Variants in ZFHX3 observed in about 807,000 individuals in gnomAD.
The protein encoded by ZFHX3 is zinc finger homeobox 3, also known as zinc finger homeobox protein 3.
Under a neutral mutation model 279.1 loss-of-function variants are expected in ZFHX3, and 42 were observed. That is an observed-to-expected ratio of 0.15 (90% CI 0.12 to 0.19). The LOEUF (loss-of-function observed/expected upper bound fraction) is 0.19, where lower values mean the gene tolerates loss of function less well. ZFHX3 is among the 10% of genes least tolerant of loss of function. The pLI is 1.00. For synonymous variants in ZFHX3, 2,293 were observed against 1,957.8 expected, an observed-to-expected ratio of 1.17 and a Z score of -4.52; for missense variants, 4,981 against 4,754.0, an observed-to-expected ratio of 1.05 and a Z score of -1.40.
intron 2 of ZFHX3, among the ~76,000 whole-genome samples, chr16:73,672,738 A>T (rs987579463): frequency 1.7e-4 from 1 of 5,762 alleles, no homozygotes; most frequent in Non-Finnish European, 2.7e-4. Context: ...AAGAAAGAGC[A>T]TATGCTTTTT....
intron 2 of ZFHX3, among the ~76,000 whole-genome samples, chr16:73,626,033 T>C (rs1258202488): frequency 6.6e-6 from 1 of 152,116 alleles, no homozygotes; most frequent in Non-Finnish European, 1.5e-5. Context: ...AATTTTTCTA[T>C]TTTTAGTAGA....
chr16:73,133,171 T>G (rs1050190057), intron 6 of ZFHX3, among the ~76,000 whole-genome samples: 1 of 152,230 alleles, frequency 6.6e-6, no homozygotes, highest in Admixed American at 6.5e-5. Context: ...GGTGGAATTA[T>G]GTCCATAACC....
intron 5 of ZFHX3, among the ~76,000 whole-genome samples, chr16:73,224,364 T>G (rs1344235013): frequency 6.6e-6 from 1 of 152,228 alleles, no homozygotes; most frequent in Non-Finnish European, 1.5e-5. Flanking sequence ...AAAAGTAGAT[T>G]TAGCATCACA....
intron 2 of ZFHX3, among the ~76,000 whole-genome samples, chr16:73,575,512 G>A (rs1378370504): frequency 6.6e-6 from 1 of 152,168 alleles, no homozygotes; most frequent in Non-Finnish European, 1.5e-5. Flanking sequence ...TAAATTTGCA[G>A]GTGGAAAAAA....
chr16:72,951,363 C>T (rs533644208), intron 2 of ZFHX3, among the ~76,000 whole-genome samples: 28 of 152,040 alleles, frequency 1.8e-4, no homozygotes, highest in African/African-American at 4.8e-4. Flanking sequence ...CGGGTTCAAG[C>T]GATTCTCCTG....
chr16:73,214,444 A>G (rs530565095), intron 5 of ZFHX3, among the ~76,000 whole-genome samples: 1 of 152,134 alleles, frequency 6.6e-6, no homozygotes, highest in East Asian at 1.9e-4. Flanking sequence ...AAAAAGGAGG[A>G]AGATTCCAAA....
At chr16:73,018,264 T>A (rs1305637355) in intron 1 of ZFHX3, among the ~76,000 whole-genome samples, 2 of 151,838 alleles carry the variant, frequency 1.3e-5, no homozygotes, top group Non-Finnish European at 2.9e-5. Flanking sequence ...AGTGCTGGGA[T>A]GACAGGCGTG....
intron 3 of ZFHX3, among the ~76,000 whole-genome samples, chr16:72,928,964 G>A (rs1959641039): frequency 6.6e-6 from 1 of 151,958 alleles, no homozygotes; most frequent in Admixed American, 6.5e-5. Context: ...TTGGCTGGGT[G>A]CGGGAGCTCA....
At chr16:73,036,101 T>C (rs4788693) in intron 1 of ZFHX3, among the ~76,000 whole-genome samples, 82,047 of 151,974 alleles carry the variant, frequency 0.54, 22,963 homozygotes, top group East Asian at 0.83. Flanking sequence ...CATACACACA[T>C]ACCACACAGC....
At chr16:72,855,532 C>A (rs1218762963) in intron 4 of ZFHX3, among the ~76,000 whole-genome samples, 2 of 152,160 alleles carry the variant, frequency 1.3e-5, no homozygotes, top group Non-Finnish European at 2.9e-5. Flanking sequence ...GACAGAGGAA[C>A]GAAAACGGAT....
intron 1 of ZFHX3, among the ~76,000 whole-genome samples, chr16:73,000,380 C>T (rs947184963): frequency 6.6e-6 from 1 of 152,224 alleles, no homozygotes; most frequent in Non-Finnish European, 1.5e-5. Flanking sequence ...GCCTGTTCTG[C>T]ACAAAGCTCA....
Position 72,959,059 on chromosome 16 carries a change from T to C in ZFHX3, c.1087A>G (p.Ser363Gly). 1.2e-6 allele frequency: 2 copies of C among 1,613,952 alleles called. No homozygotes were observed. The stretch of plus-strand genomic sequence containing the variant: ...ATGCCACTAAATTTACCATAAAAAC[T>C]GTGTCCGGGGCCTATGAGGTTAGCT... ...STANLIGPGH[S>G]FYGKFSGIRM... The change falls in exon 2 of 10, where the codon AGT becomes GGT. Residue 363 changes from serine to glycine, a missense_variant. This residue lies in a region of ZFHX3 where 1,068 missense variants were observed against 935.2 expected (regional missense o/e 1.14). Transcript: ENST00000268489.
At chr16:73,143,819 T>C in exon 6 of ZFHX3, 1 of 1,299,506 alleles carries the variant, frequency 7.7e-7, no homozygotes, top group Non-Finnish European at 1.0e-6. Flanking sequence ...GGTTGTAACT[T>C]ATATCTTCCG....
chr16:73,744,919 C>A (rs1277025016), intron 1 of ZFHX3, among the ~76,000 whole-genome samples: 2 of 152,188 alleles, frequency 1.3e-5, no homozygotes, highest in Non-Finnish European at 2.9e-5. Flanking sequence ...AATTAGCCCA[C>A]AATTTGCATC....
chr16:73,283,089 C>G lies in ZFHX3; in HGVS notation c.-1193-25953G>C, dbSNP rs567886263. Reference sequence around the variant, plus strand: ...GTATTTTGGGTTTGTGAACTCCTGGCTAACTGCTCAACTCTCAACTTCTCC... The same window carrying G: ...GTATTTTGGGTTTGTGAACTCCTGGGTAACTGCTCAACTCTCAACTTCTCC... On this transcript the variant is annotated intron_variant, in intron 4 of 17. Transcript: ENST00000641206. Among the ~76,000 whole-genome samples the G allele has an allele frequency of 4.6e-5, 7 of 152,328 alleles. No homozygotes were observed. In the East Asian group the frequency reaches 1.4e-3, roughly 29 times the overall value.
intron 3 of ZFHX3, among the ~76,000 whole-genome samples, chr16:73,331,075 C>T (rs1272852980): frequency 1.3e-5 from 2 of 152,148 alleles, no homozygotes; most frequent in Admixed American, 6.5e-5. Flanking sequence ...CTCACAGTTC[C>T]ACATGGCTAG....
chr16:73,461,179 C>A (rs2018464663), intron 2 of ZFHX3, among the ~76,000 whole-genome samples: 2 of 152,104 alleles, frequency 1.3e-5, no homozygotes, highest in African/African-American at 4.8e-5. Context: ...TTTCCATGTG[C>A]TCATTTGCCA....
intron 1 of ZFHX3, among the ~76,000 whole-genome samples, chr16:73,031,276 C>A (rs1045846069): frequency 6.6e-6 from 1 of 151,118 alleles, no homozygotes; most frequent in South Asian, 2.1e-4. Context: ...AAAAGCCTGG[C>A]GGCGGGGGGG....
chr16:73,264,601 A>T (rs549548081), intron 4 of ZFHX3, among the ~76,000 whole-genome samples: 9 of 151,012 alleles, frequency 6.0e-5, no homozygotes, highest in Non-Finnish European at 1.0e-4. Flanking sequence ...TTTTATTTCT[A>T]TATATTTGGG....
Sources: gnomAD v4.1 joint callset for allele counts (sites outside exome capture counted in the v4.1 genomes callset) on GRCh38, gnomAD v4.1.1 for gene constraint, gnomAD v4.1.1 regional missense constraint, MANE v1.5 for transcripts, NCBI Gene and HGNC (gene_info 2026-07-23, HGNC 2026-07-21) for gene names.